Variants in ANHX observed in about 807,000 individuals in gnomAD.
ANHX encodes the protein anomalous homeobox protein.
A neutral mutation model predicts 38.9 loss-of-function variants in ANHX; 20 were observed. The observed-to-expected ratio is 0.51, with a 90% CI of 0.36 to 0.75. The LOEUF (loss-of-function observed/expected upper bound fraction) is 0.75, where lower values mean the gene tolerates loss of function less well. Ranked by LOEUF, ANHX falls within the 30% of genes least tolerant of loss-of-function variation. The probability of loss-of-function intolerance (pLI) is 0.00; values close to 1 mark genes in which losing one functional copy is unlikely to be tolerated. For synonymous variants in ANHX, 185 were observed against 203.1 expected (o/e 0.91, Z 0.76); for missense variants, 475 against 493.1 (o/e 0.96, Z 0.35).
chr12:133,234,436 C>A, intron 1 of ANHX, 58 bp from the exon 2 acceptor site: 1 of 1,477,798 alleles, frequency 6.8e-7, no homozygotes, highest in South Asian at 1.3e-5. Context: ...TTCTGTCAGT[C>A]AATCGCCCAA....
In ANHX at chr12:133,218,796, C is replaced by T. The variant is rs1472384483; in HGVS notation, c.*89G>A. ...ACTCTGGGGACCTTCATTTTGTATT[C>T]AGGATAAAGCTCTGTAACTCCTTGT... On this transcript the variant is annotated 3_prime_UTR_variant, in exon 10 of 10. Transcript: ENST00000545940. 5.1e-6 allele frequency: 5 copies of T among 971,690 alleles called. No homozygotes were observed. Among genetic ancestry groups the T allele is most frequent in the Admixed American group, 3.5e-5 (1 of 28,232 alleles). The allele number at this position is 971,690 out of a possible 1,614,324, so 60.2% of individuals were successfully genotyped here. A position where few individuals can be genotyped will look rare whatever the true frequency, so the allele number is the denominator to read the frequency against.
intron 3 of ANHX, among the ~76,000 whole-genome samples, chr12:133,231,105 A>G (rs948660799): frequency 2.0e-5 from 3 of 152,148 alleles, no homozygotes; most frequent in African/African-American, 7.2e-5. Flanking sequence ...TGGGGATTAG[A>G]TGACCTGGGG....
chr12:133,218,834 G>C lies in ANHX; in HGVS notation c.*51C>G, dbSNP rs1026828353. 7.3e-7 allele frequency: 1 copy of C among 1,371,556 alleles called. No homozygotes were observed. The highest frequency in any genetic ancestry group is 1.5e-5 in the African/African-American group (1 of 68,370). 85.0% of individuals were successfully genotyped at this position (1,371,556 alleles called of 1,614,324 possible). ...TGTAACTCCTTGTGTTGACCAGGCAGACCATCCACACCCGCTCCTCCTGGG... is the reference window on the plus strand; with the variant it reads ...TGTAACTCCTTGTGTTGACCAGGCACACCATCCACACCCGCTCCTCCTGGG... On this transcript the variant is annotated 3_prime_UTR_variant, in exon 10 of 10. Transcript: ENST00000545940.
chr12:133,219,166 G>A, intron 9 of ANHX, 117 bp downstream of exon 9: 1 of 1,089,484 alleles, frequency 9.2e-7, no homozygotes. Context: ...TTTGCCCCTT[G>A]TTTATCTTTG....
At chr12:133,235,716 ACC>A (rs1463726048) in intron 1 of ANHX, 89 bp downstream of exon 1, 1 of 64,470 alleles carries the variant, frequency 1.6e-5, no homozygotes, top group African/African-American at 6.3e-5. Flanking sequence ...ACCCTCTGGG[ACC>A]CCCGCCCCCG....
At chr12:133,222,919 A>C (rs1957130970) in intron 7 of ANHX, among the ~76,000 whole-genome samples, 1 of 152,240 alleles carries the variant, frequency 6.6e-6, no homozygotes, top group East Asian at 1.9e-4. Flanking sequence ...GGCCGGGCGC[A>C]GTGGCTCATG....
Position 133,218,529 on chromosome 12 carries a change from T to G in ANHX, c.*356A>C, listed in dbSNP as rs1459961509. 1 of 177,114 alleles carries G rather than the reference T, an allele frequency of 5.6e-6. No individual in the cohort carries two copies. The highest frequency in any genetic ancestry group is 1.2e-5 in the Non-Finnish European group (1 of 84,704). 11.0% of individuals were successfully genotyped at this position (177,114 alleles called of 1,614,324 possible). A position where few individuals can be genotyped will look rare whatever the true frequency, so the allele number is the denominator to read the frequency against. On this transcript the variant is annotated 3_prime_UTR_variant, in exon 10 of 10. Coordinates refer to ENST00000545940, the MANE Select transcript of ANHX (RefSeq NM_001372060.1). ...AACTTGGTGGAAAAGTCTGGCTGTG[T>G]GCACGGGCAGACGGCAAGGCAGCCA... is the stretch of plus-strand genomic sequence containing the variant.
At chr12:133,224,301 A>G (rs1957153393) in intron 7 of ANHX, among the ~76,000 whole-genome samples, 1 of 152,226 alleles carries the variant, frequency 6.6e-6, no homozygotes, top group African/African-American at 2.4e-5. Flanking sequence ...AAGGAAAGGC[A>G]TGGAGAAGCT....
intron 2 of ANHX, among the ~76,000 whole-genome samples, chr12:133,232,315 T>TGACGGAGGATGCCTGG (rs1555308179): frequency 6.6e-6 from 1 of 152,244 alleles, no homozygotes; most frequent in South Asian, 2.1e-4. Flanking sequence ...ATTTCCTTAA[T>TGACGGAGGATGCCTGG]TCCAATCATC....
chr12:133,221,323 G>C lies in ANHX; in HGVS notation c.1162C>G (p.Gln388Glu), dbSNP rs1327527622. 4 of 1,535,912 alleles carry C rather than the reference G, an allele frequency of 2.6e-6. No homozygotes were observed. Among genetic ancestry groups the C allele is most frequent in the African/African-American group, 1.4e-5 (1 of 73,142 alleles). The change falls in exon 8 of 10, where the codon CAG becomes GAG. Residue 388 changes from glutamine (Q) to glutamate (E), a missense_variant. Coordinates refer to ENST00000545940, the MANE Select transcript of ANHX (RefSeq NM_001372060.1). The surrounding 1 kb of genome is among the most constrained non-coding windows in gnomAD (Gnocchi z 4.1). ...GFSGPPSGHPQSVQLEEGLGT... is the reference protein window; with the variant it reads ...GFSGPPSGHPESVQLEEGLGT... ...AGACCCTCCTCCAATTGCACGCTCT[G>C]GGGATGGCCGCTGGGGGGGCCAGAA...
At chr12:133,232,912 GCAGA>G (rs762219748) in intron 2 of ANHX, among the ~76,000 whole-genome samples, 3 of 152,136 alleles carry the variant, frequency 2.0e-5, no homozygotes, top group Non-Finnish European at 4.4e-5. Flanking sequence ...AGTAAGGGAG[GCAGA>G]TTGACAAACA....
intron 1 of ANHX, chr12:133,234,641 C>G (rs2135581835): frequency 4.7e-6 from 2 of 426,800 alleles, no homozygotes; most frequent in African/African-American, 2.0e-5. Flanking sequence ...CTGTCTGCAA[C>G]AGCTCCTCCA....
intron 8 of ANHX, among the ~76,000 whole-genome samples, chr12:133,220,670 C>A (rs928456118): frequency 4.0e-5 from 6 of 151,408 alleles, no homozygotes; most frequent in African/African-American, 1.5e-4. Flanking sequence ...GTGGCGGGTG[C>A]GATAGCCTCC....
At chr12:133,232,577 G>A (rs1957298077) in intron 2 of ANHX, among the ~76,000 whole-genome samples, 1 of 152,182 alleles carries the variant, frequency 6.6e-6, no homozygotes, top group Admixed American at 6.5e-5. Context: ...ACCCTGCACA[G>A]GCTGGGGTTG....
At position 133,231,622 on chromosome 12, in the gene ANHX, C is replaced by T. The variant is rs1441340855; in HGVS notation, c.272G>A (p.Ser91Asn). The T allele has an allele frequency of 8.5e-6, 13 of 1,535,948 alleles. No homozygotes were observed. The highest frequency in any genetic ancestry group is 1.4e-5 in the African/African-American group (1 of 73,058). Residue 91 changes from serine to asparagine, a missense_variant, in exon 3 of 10, where the codon AGC becomes AAC. Transcript: ENST00000545940. ...GTTCCAGAGCTGCACTAACTCCTGG[C>T]TGCCTCCCGGCACCTGGCACCCCTG... ...LLEGCQVPGG[S>N]QELVQLWNDI... is the part of the protein sequence containing the mutation.
chr12:133,220,318 G>C (rs543812907), intron 8 of ANHX, among the ~76,000 whole-genome samples: 1 of 152,192 alleles, frequency 6.6e-6, no homozygotes, highest in South Asian at 2.1e-4. Context: ...GCAAGAGAAG[G>C]GGTCGAGATG....
rs1390580521 is a variant in ANHX at position 133,221,127 on chromosome 12, G to A, written c.1280+78C>T. The A allele has an allele frequency of 6.7e-7, 1 of 1,490,818 alleles. No homozygotes were observed. The highest frequency in any genetic ancestry group is 2.1e-5 in the Admixed American group (1 of 47,308). The allele number at this position is 1,490,818 out of a possible 1,614,324, so 92.3% of individuals were successfully genotyped here. A position where few individuals can be genotyped will look rare whatever the true frequency, so the allele number is the denominator to read the frequency against. On this transcript the variant is annotated intron_variant, in intron 8 of 9. Transcript: ENST00000545940. This position sits in a 1 kb window ranked among gnomAD's most constrained non-coding sequence, Gnocchi z 4.1. Reference sequence around the variant, plus strand: ...CCCTATCTGCACAGTCCGGGACGGTGAGTCTATAAACTGGGCATTACCCTA... The same window carrying A: ...CCCTATCTGCACAGTCCGGGACGGTAAGTCTATAAACTGGGCATTACCCTA...
chr12:133,228,633 C>A (rs1440578901), intron 3 of ANHX, among the ~76,000 whole-genome samples: 1 of 152,212 alleles, frequency 6.6e-6, no homozygotes, highest in African/African-American at 2.4e-5. Flanking sequence ...GTGCCCCCAG[C>A]AAACCTGCCA....
At chr12:133,219,025 T>C (rs1380057507) in intron 9 of ANHX, 54 bp from the exon 10 acceptor site, 4 of 1,465,658 alleles carry the variant, frequency 2.7e-6, no homozygotes, top group Non-Finnish European at 2.7e-6. Context: ...GCTCAAGACC[T>C]GCCCTCCCAC....
Sources: allele counts gnomAD v4.1 joint callset (sites outside exome capture counted in the v4.1 genomes callset), GRCh38; gene constraint gnomAD v4.1.1; non-coding constraint Gnocchi (gnomAD v3.1); transcripts MANE v1.5; gene names NCBI Gene and HGNC (gene_info 2026-07-23, HGNC 2026-07-21).